The following ZNF787 variants were observed in gnomAD, a reference collection of about 807,000 sequenced individuals.
ZNF787 encodes zinc finger protein 787, also known as TTF-I-interacting peptide 20.
ZNF787 carries 7 observed loss-of-function variants against 16.9 expected under a neutral mutation model. The observed-to-expected ratio is 0.42, with a 90% confidence interval of 0.24 to 0.78. The LOEUF is 0.78. ZNF787 is among the 30% of genes least tolerant of loss of function. The probability of loss-of-function intolerance (pLI) is 0.30; values close to 1 mark genes in which losing one functional copy is unlikely to be tolerated. For synonymous variants in ZNF787, 345 were observed against 270.9 expected (o/e 1.27, Z -2.69); for missense variants, 551 against 589.3 (o/e 0.94, Z 0.67).
intron 1 of ZNF787, among the ~76,000 whole-genome samples, chr19:56,113,922 C>A (rs574752988): frequency 6.6e-6 from 1 of 152,146 alleles, no homozygotes; most frequent in African/African-American, 2.4e-5. Context: ...CTTCGCCTCC[C>A]GGGTTCAAGG....
rs184273754 is a variant in ZNF787, at chr19:56,113,181, C to G, written c.-11+7991G>C. On this transcript the variant is annotated intron_variant, in intron 1 of 2. Transcript: ENST00000610935. ...GTCCTCATGAGCCGTCTGGGAGAGG[C>G]AGACCAAACCCACAGGGAGGCAGCA... is the stretch of plus-strand genomic sequence containing the variant. 2.2e-3 allele frequency among the ~76,000 whole-genome samples: 333 copies of G among 152,290 alleles called. 2 individuals are homozygous for G. Among genetic ancestry groups the G allele is most frequent in the African/African-American group, 7.5e-3 (311 of 41,558 alleles).
Position 56,115,882 on chromosome 19 carries a change from G to A in ZNF787, c.-11+5290C>T, listed in dbSNP as rs538071541. ...TTCAGATCCTTATGCGAAGGCTTCC[G>A]GGTCTTAGGGCAGCCGAGTAACTGA... On this transcript the variant is annotated intron_variant, in intron 1 of 2. Transcript: ENST00000610935. 5.7e-4 allele frequency among the ~76,000 whole-genome samples: 87 copies of A among 152,292 alleles called. 1 individual carries two copies. Among genetic ancestry groups the A allele is most frequent in the Middle Eastern group, 6.8e-3 (2 of 294 alleles).
At chr19:56,106,624 GT>G (rs1424561515) in intron 1 of ZNF787, among the ~76,000 whole-genome samples, 1 of 152,202 alleles carries the variant, frequency 6.6e-6, no homozygotes, top group Non-Finnish European at 1.5e-5. Flanking sequence ...AGGACTCCTG[GT>G]GAGACACAGC....
intron 1 of ZNF787, among the ~76,000 whole-genome samples, chr19:56,105,212 C>G (rs2123414174): frequency 6.6e-6 from 1 of 152,254 alleles, no homozygotes; most frequent in African/African-American, 2.4e-5. Context: ...CTTCTCCCAC[C>G]CTCCTGCAGG....
At chr19:56,106,991 C>G (rs1424009170) in intron 1 of ZNF787, among the ~76,000 whole-genome samples, 1 of 152,198 alleles carries the variant, frequency 6.6e-6, no homozygotes, top group African/African-American at 2.4e-5. Flanking sequence ...CCTGCCCTCA[C>G]GAAGGGCCTG....
At chr19:56,100,260 T>C (rs374547445) in intron 2 of ZNF787, among the ~76,000 whole-genome samples, 194 of 152,092 alleles carry the variant, frequency 1.3e-3, no homozygotes, top group Admixed American at 3.5e-3. Flanking sequence ...ACACAGGACA[T>C]AGACACCCTG....
In ZNF787 at chr19:56,087,492, G is replaced by A. The variant is rs1267653791; in HGVS notation, c.*531C>T. The A allele has an allele frequency of 1.3e-5, 2 of 152,220 alleles. No homozygotes were observed. Among genetic ancestry groups the A allele is most frequent in the African/African-American group, 2.4e-5 (1 of 41,396 alleles). 9.4% of individuals were successfully genotyped at this position (152,220 alleles called of 1,614,324 possible). On this transcript the variant is annotated 3_prime_UTR_variant, in exon 3 of 3. Transcript: ENST00000610935. ...CCCGGAATCCAGGAGGGGAAGGAAC[G>A]ACTCGAGCTCTAAGGATGGGACCCG...
At chr19:56,112,484 T>C (rs912473530) in intron 1 of ZNF787, among the ~76,000 whole-genome samples, 1 of 152,168 alleles carries the variant, frequency 6.6e-6, no homozygotes. Flanking sequence ...TTGTTGTTAT[T>C]AAGTCCCGCC....
chr19:56,103,259 G>C (rs1986175769), intron 1 of ZNF787, 32 bp from the exon 2 acceptor site: 1 of 1,513,782 alleles, frequency 6.6e-7, no homozygotes, highest in South Asian at 1.3e-5. Flanking sequence ...GAAGGACAGA[G>C]TTTATGGGGT....
At chr19:56,107,729 G>C (rs1427438779) in intron 1 of ZNF787, among the ~76,000 whole-genome samples, 1 of 152,084 alleles carries the variant, frequency 6.6e-6, no homozygotes, top group Non-Finnish European at 1.5e-5. Flanking sequence ...TGGGGAGGCT[G>C]GGGTGGGCCC....
At chr19:56,107,869 G>A (rs1339147511) in intron 1 of ZNF787, among the ~76,000 whole-genome samples, 4 of 148,860 alleles carry the variant, frequency 2.7e-5, no homozygotes, top group East Asian at 2.0e-4. Context: ...CATGCTGGGG[G>A]CTGCGGAAGA....
Position 56,088,325 on chromosome 19 carries a change from G to A in ZNF787, c.847C>T (p.Leu283=). 2 of 1,295,880 alleles carry A rather than the reference G, an allele frequency of 1.5e-6. No homozygotes were observed. Among genetic ancestry groups the A allele is most frequent in the Non-Finnish European group, 2.0e-6 (2 of 1,022,386 alleles). 80.3% of individuals were successfully genotyped at this position (1,295,880 alleles called of 1,614,324 possible). The change falls in exon 3 of 3, where the codon CTG becomes TTG. Residue 283 remains leucine (L), a synonymous_variant. Coordinates refer to ENST00000610935, the MANE Select transcript of ZNF787 (RefSeq NM_001002836.4). This position sits in a 1 kb window ranked among gnomAD's most constrained non-coding sequence, Gnocchi z 8.6. ...TGCCCGAAGCCCTTCCCGCACTCCA[G>A]ACACACGTACGGCTTGGGGGCCGGG... The part of the protein sequence containing the change: ...RAPAPKPYVC[L]ECGKGFGHGA...
intron 2 of ZNF787, chr19:56,102,903 C>T (rs1359861190): frequency 1.4e-6 from 1 of 704,112 alleles, no homozygotes; most frequent in Non-Finnish European, 2.6e-6. Context: ...GAGAAGGTGG[C>T]CCCCAGGGGT....
rs868559263 is a variant in ZNF787 at position 56,103,021 on chromosome 19, T to C, written c.79+118A>G. 3 of 1,157,464 alleles carry C rather than the reference T, an allele frequency of 2.6e-6. No homozygotes were observed. In the Admixed American group the frequency reaches 5.5e-5, roughly 21 times the overall value. The allele number at this position is 1,157,464 out of a possible 1,614,324, so 71.7% of individuals were successfully genotyped here. A position where few individuals can be genotyped will look rare whatever the true frequency, so the allele number is the denominator to read the frequency against. On this transcript the variant is annotated intron_variant, in intron 2 of 2. Transcript: ENST00000610935. The stretch of plus-strand genomic sequence containing the variant: ...GGGAGGGGAGGCCAGGGTCGGGTGG[T>C]CCCAGGGCCCCAAGAGGGGAAAACA...
At position 56,088,591 on chromosome 19, in the gene ZNF787, G is replaced by A. The variant is rs754891408; in HGVS notation, c.581C>T (p.Ala194Val). Residue 194 changes from alanine to valine, a missense_variant, in exon 3 of 3, where the codon GCG (alanine) becomes GTG (valine). Physicochemically the swap from Ala to Val is moderately conservative, Grantham distance 64. Coordinates refer to ENST00000610935, the MANE Select transcript of ZNF787 (RefSeq NM_001002836.4). This position sits in a 1 kb window ranked among gnomAD's most constrained non-coding sequence, Gnocchi z 8.6. ...GRGFSQPKSL[A>V]RHLRLHPELS... ...CTCCGGGTGCAGCCGCAGGTGACGCGCGAGGCTCTTGGGCTGGCTGAAGCC... is the reference window on the plus strand; with the variant it reads ...CTCCGGGTGCAGCCGCAGGTGACGCACGAGGCTCTTGGGCTGGCTGAAGCC... The A allele has an allele frequency of 5.3e-6, 8 of 1,514,418 alleles. No individual in the cohort carries two copies. The South Asian group carries it at 8.6e-5, about 16-fold the overall frequency. 93.8% of individuals were successfully genotyped at this position (1,514,418 alleles called of 1,614,324 possible). A position where few individuals can be genotyped will look rare whatever the true frequency, so the allele number is the denominator to read the frequency against.
intron 1 of ZNF787, among the ~76,000 whole-genome samples, chr19:56,106,814 C>CT: frequency 6.6e-6 from 1 of 152,112 alleles, no homozygotes; most frequent in East Asian, 1.9e-4. Flanking sequence ...TCATTCCAGG[C>CT]GGAAGTCTGC....
rs1985427655 is a variant in ZNF787 at position 56,088,395 on chromosome 19, C to T, written c.777G>A (p.Met259Ile). 1.2e-5 allele frequency: 13 copies of T among 1,107,180 alleles called. No homozygotes were observed. The South Asian group carries it at 4.7e-4, about 40-fold the overall frequency. The allele number at this position is 1,107,180 out of a possible 1,614,324, so 68.6% of individuals were successfully genotyped here. Residue 259 changes from methionine (M) to isoleucine (I), a missense_variant, in exon 3 of 3, where the codon ATG (methionine) becomes ATA (isoleucine). Transcript: ENST00000610935. The surrounding 1 kb of genome is among the most constrained non-coding windows in gnomAD (Gnocchi z 8.6). ...CCGCGGCCTTTGCCCCCGCGCCCGC[C>T]ATGGCTGCCGCGGCCGCGGCCCCCT... ...PGEGAAAAAAMAGAGAKAAGP... is the reference protein window; with the variant it reads ...PGEGAAAAAAIAGAGAKAAGP...
intron 1 of ZNF787, among the ~76,000 whole-genome samples, chr19:56,117,295 C>A (rs1238221673): frequency 6.6e-6 from 1 of 150,962 alleles, no homozygotes; most frequent in Non-Finnish European, 1.5e-5. Context: ...CTAGTACAAT[C>A]TCACAGAGCC....
At chr19:56,106,050 C>T (rs1314032616) in intron 1 of ZNF787, among the ~76,000 whole-genome samples, 6 of 143,776 alleles carry the variant, frequency 4.2e-5, no homozygotes, top group African/African-American at 1.3e-4. Flanking sequence ...CGGCAGTCAC[C>T]GCGCATTCCG....
Sources: allele counts gnomAD v4.1 joint callset (sites outside exome capture counted in the v4.1 genomes callset), GRCh38; gene constraint gnomAD v4.1.1; non-coding constraint Gnocchi (gnomAD v3.1); transcripts MANE v1.5; gene names NCBI Gene and HGNC (gene_info 2026-07-23, HGNC 2026-07-21).